The following NSD3 variants were observed in gnomAD, a reference collection of about 807,000 sequenced individuals.
NSD3 encodes the protein nuclear receptor binding SET domain protein 3, also known as histone-lysine N-methyltransferase NSD3.
In NSD3, 24 loss-of-function variants were observed where a neutral mutation model predicts 160.8. The ratio of observed to expected loss-of-function variants is 0.15; its 90% CI spans 0.11 to 0.21. The LOEUF (loss-of-function observed/expected upper bound fraction) is 0.21, where lower values mean the gene tolerates loss of function less well. Among genes scored for constraint, NSD3 ranks in the 10% least tolerant of loss-of-function variants. NSD3 has a pLI of 1.00. For synonymous variants in NSD3, 520 were observed against 600.0 expected (o/e 0.87, Z 1.95); for missense variants, 1,157 against 1,735.9 (o/e 0.67, Z 5.93).
In NSD3 at chr8:38,321,817, G is replaced by C. The variant is rs1809799962; in HGVS notation, c.1709-645C>G. On this transcript the variant is annotated intron_variant, in intron 7 of 23. Coordinates refer to ENST00000317025, the MANE Select transcript of NSD3 (RefSeq NM_023034.2). The surrounding 1 kb of genome is among the most constrained non-coding windows in gnomAD (Gnocchi z 4.7). Reference sequence around the variant, plus strand: ...AAAACTAGTTGAAACAAATTATCAAGCTTTTTCATGTTAAATGGTAAAACA... The same window carrying C: ...AAAACTAGTTGAAACAAATTATCAACCTTTTTCATGTTAAATGGTAAAACA... Among the ~76,000 whole-genome samples the C allele has an allele frequency of 1.3e-5, 2 of 152,164 alleles. No individual in the cohort carries two copies. Among genetic ancestry groups the C allele is most frequent in the African/African-American group, 4.8e-5 (2 of 41,436 alleles).
intron 1 of NSD3, among the ~76,000 whole-genome samples, chr8:38,372,975 G>A (rs1585934563): frequency 6.7e-6 from 1 of 149,950 alleles, no homozygotes; most frequent in Non-Finnish European, 1.5e-5. Flanking sequence ...GCTTGAACCC[G>A]GGACGCGGAG....
chr8:38,303,668 T>C (rs562550997), intron 14 of NSD3, among the ~76,000 whole-genome samples: 8 of 152,174 alleles, frequency 5.3e-5, no homozygotes, highest in Non-Finnish European at 1.0e-4. Flanking sequence ...AATAACTGTC[T>C]CCTAAAGCAA....
chr8:38,290,128 A>G (rs916232741), intron 17 of NSD3, among the ~76,000 whole-genome samples: 1 of 151,952 alleles, frequency 6.6e-6, no homozygotes, highest in Non-Finnish European at 1.5e-5. Context: ...AGGCAAGAGG[A>G]TCACTTGAGC....
rs2280847 is a variant in NSD3, at chr8:38,318,669, T to G, written c.1855+226A>C. The stretch of plus-strand genomic sequence containing the variant: ...GTTGGAAACAGTATCAAGTCTACGT[T>G]GTGTTCTCCAATTTACCAAAACAAG... On this transcript the variant is annotated intron_variant, in intron 9 of 23. Coordinates refer to ENST00000317025, the MANE Select transcript of NSD3 (RefSeq NM_023034.2). The surrounding 1 kb of genome is among the most constrained non-coding windows in gnomAD (Gnocchi z 5.3). Among the ~76,000 whole-genome samples, 33,893 of 152,068 alleles carry G rather than the reference T, an allele frequency of 0.22. 4,008 individuals carry two copies. Among genetic ancestry groups the G allele is most frequent in the East Asian group, 0.31 (1,593 of 5,168 alleles).
At chr8:38,285,982 C>T (rs776820165) in intron 19 of NSD3, among the ~76,000 whole-genome samples, 2 of 152,164 alleles carry the variant, frequency 1.3e-5, no homozygotes, top group African/African-American at 2.4e-5. Flanking sequence ...GTTATCCTTT[C>T]GAAACCCAAG....
Position 38,329,365 on chromosome 8 carries a change from A to T in NSD3, c.1581+13T>A. On this transcript the variant is annotated intron_variant, in intron 6 of 23. Coordinates refer to ENST00000317025, the MANE Select transcript of NSD3 (RefSeq NM_023034.2). This position sits in a 1 kb window ranked among gnomAD's most constrained non-coding sequence, Gnocchi z 4.8. ...TACCATCCCCCAAAAAACTCCACGA[A>T]AAAAGGAGGTACCTTTGTTGAATAA... 1 of 1,597,864 alleles carries T rather than the reference A, an allele frequency of 6.3e-7. No homozygotes were observed. The highest frequency in any genetic ancestry group is 1.1e-5 in the South Asian group (1 of 89,864).
chr8:38,338,444 G>A (rs562834692), intron 3 of NSD3, 92 bp downstream of exon 3: 64 of 1,029,536 alleles, frequency 6.2e-5, no homozygotes, highest in African/African-American at 4.9e-4. Context: ...ATTAAGAAGC[G>A]TAGTACCAAT....
intron 15 of NSD3, among the ~76,000 whole-genome samples, chr8:38,297,841 G>A (rs1278919592): frequency 6.6e-6 from 1 of 151,926 alleles, no homozygotes; most frequent in Non-Finnish European, 1.5e-5. Flanking sequence ...CCATCAGAAA[G>A]GAATGACCAG....
At position 38,274,835 on chromosome 8, in the gene NSD3, C is replaced by CA; in HGVS notation, c.*805dup. On this transcript the variant is annotated 3_prime_UTR_variant, in exon 24 of 24. Transcript: ENST00000317025. ...GACCATTCCAACTATGCTTCATATC[C>CA]ACAGAAACGCACTTCATCCAAAACC... 1 of 175,496 alleles carries CA rather than the reference C, an allele frequency of 5.7e-6. No homozygotes were observed. The highest frequency in any genetic ancestry group is 1.2e-5 in the Non-Finnish European group (1 of 81,358). 10.9% of individuals were successfully genotyped at this position (175,496 alleles called of 1,614,324 possible).
At chr8:38,306,363 T>C (rs1809393372) in intron 12 of NSD3, among the ~76,000 whole-genome samples, 2 of 152,098 alleles carry the variant, frequency 1.3e-5, no homozygotes, top group Non-Finnish European at 2.9e-5. Flanking sequence ...ACAGGACATA[T>C]GAATAGTTCT....
chr8:38,286,103 C>T (rs1808849730), intron 19 of NSD3, among the ~76,000 whole-genome samples: 1 of 152,148 alleles, frequency 6.6e-6, no homozygotes, highest in Non-Finnish European at 1.5e-5. Context: ...TGATTAGCTT[C>T]TAACCAACAG....
intron 1 of NSD3, among the ~76,000 whole-genome samples, chr8:38,348,663 A>AT (rs774241482): frequency 2.0e-5 from 3 of 151,766 alleles, no homozygotes; most frequent in Non-Finnish European, 4.4e-5. Context: ...ATGTTATTGC[A>AT]TTTTTTCTTT....
intron 3 of NSD3, 67 bp downstream of exon 3, chr8:38,338,469 A>G: frequency 3.8e-6 from 5 of 1,302,816 alleles, no homozygotes; most frequent in Admixed American, 1.7e-5. Flanking sequence ...TTGTGTTGCA[A>G]TTCAATCACT....
At chr8:38,344,725 CT>C (rs557206631) in intron 2 of NSD3, among the ~76,000 whole-genome samples, 1 of 152,082 alleles carries the variant, frequency 6.6e-6, no homozygotes, top group African/African-American at 2.4e-5. Flanking sequence ...TTAAATCAGA[CT>C]TTTTTCTCCA....
intron 22 of NSD3, 152 bp downstream of exon 22, chr8:38,278,154 G>A (rs1808652047): frequency 2.0e-6 from 1 of 504,432 alleles, no homozygotes; most frequent in African/African-American, 2.0e-5. Context: ...TAGCCAGGAT[G>A]GTCTCGATCT....
At position 38,342,837 on chromosome 8, in the gene NSD3, C is replaced by T. The variant is rs181103639; in HGVS notation, c.676-4230G>A. Among the ~76,000 whole-genome samples the T allele has an allele frequency of 1.0e-3, 159 of 151,972 alleles. 1 individual carries two copies. The highest frequency in any genetic ancestry group is 3.4e-3 in the African/African-American group (143 of 41,476). ...CCTCCCAAAGTGCTGGGATTACAGC[C>T]GTGAGCCACCACGGCCTTCAGCCTA... On this transcript the variant is annotated intron_variant, in intron 2 of 23. Coordinates refer to ENST00000317025, the MANE Select transcript of NSD3 (RefSeq NM_023034.2).
chr8:38,326,434 A>G (rs1809912965), intron 7 of NSD3, among the ~76,000 whole-genome samples: 1 of 152,214 alleles, frequency 6.6e-6, no homozygotes, highest in South Asian at 2.1e-4. Flanking sequence ...TTATTATGCA[A>G]AGAGAGATAG....
intron 1 of NSD3, among the ~76,000 whole-genome samples, chr8:38,358,766 T>TA (rs1209058175): frequency 6.6e-6 from 1 of 152,162 alleles, no homozygotes; most frequent in African/African-American, 2.4e-5. Context: ...AATATGTACA[T>TA]ACACGCAAAG....
intron 1 of NSD3, chr8:38,363,840 AAC>A (rs1449347802): frequency 1.3e-5 from 2 of 152,204 alleles, no homozygotes; most frequent in African/African-American, 4.8e-5. Flanking sequence ...TTACAGCAGC[AAC>A]AAGGGTTTTT....
Sources: gnomAD v4.1 joint callset for allele counts (sites outside exome capture counted in the v4.1 genomes callset) on GRCh38, gnomAD v4.1.1 for gene constraint, Gnocchi (gnomAD v3.1) non-coding constraint, MANE v1.5 for transcripts, NCBI Gene and HGNC (gene_info 2026-07-23, HGNC 2026-07-21) for gene names.